EXD3: variants seen among roughly 807,000 people sequenced by gnomAD.
EXD3 encodes the protein exonuclease 3'-5' domain containing 3.
Under a neutral mutation model 98.0 loss-of-function variants are expected in EXD3, and 92 were observed. That is an observed-to-expected ratio of 0.94 (90% CI 0.79 to 1.12). The LOEUF (loss-of-function observed/expected upper bound fraction) is 1.12, where lower values mean the gene tolerates loss of function less well. EXD3 is among the 50% of genes most tolerant of loss of function. EXD3 has a pLI of 0.00. For synonymous variants in EXD3, 569 were observed against 526.0 expected (o/e 1.08, Z -1.12); for missense variants, 1,222 against 1,191.6 (o/e 1.03, Z -0.38).
In EXD3 at chr9:137,393,815, G is replaced by A. The variant is rs28368236; in HGVS notation, c.55+1488C>T. Among the ~76,000 whole-genome samples the A allele has an allele frequency of 0.11, 16,196 of 152,232 alleles. 849 individuals are homozygous for A. Among genetic ancestry groups the A allele is most frequent in the Middle Eastern group, 0.12 (35 of 294 alleles). ...TGGAACTGGGCAAAGGCCAGGGGGC[G>A]GTGAGTGAAAAGGCAGTAAACCCAC... On this transcript the variant is annotated intron_variant, in intron 2 of 21. Transcript: ENST00000340951. The surrounding 1 kb of genome is among the most constrained non-coding windows in gnomAD (Gnocchi z 4.6).
chr9:137,361,081 G>A lies in EXD3; in HGVS notation c.657-4713C>T, dbSNP rs1331513107. 1.8e-4 allele frequency among the ~76,000 whole-genome samples: 16 copies of A among 87,406 alleles called. 6 individuals are homozygous for A. The highest frequency in any genetic ancestry group is 9.5e-4 in the Admixed American group (7 of 7,390). 57.3% of individuals were successfully genotyped at this position (87,406 alleles called of 152,430 possible). On this transcript the variant is annotated intron_variant, in intron 7 of 21. Transcript: ENST00000340951. ...GCAACAGGTGGCTCAGGGCAGTGAT[G>A]CCCGAGTGATGGGAAGCGAGGCTGC...
At chr9:137,352,241 T>C in intron 11 of EXD3, 40 bp from the exon 12 acceptor site, 1 of 1,610,446 alleles carries the variant, frequency 6.2e-7, no homozygotes, top group South Asian at 1.1e-5. Context: ...ATGTCCCTGG[T>C]CCCCCACCCA....
chr9:137,345,180 A>G (rs574902699), intron 17 of EXD3, among the ~76,000 whole-genome samples: 114 of 152,394 alleles, frequency 7.5e-4, no homozygotes, highest in African/African-American at 2.7e-3. Flanking sequence ...CCACTTTGTC[A>G]GGACATTCTC....
chr9:137,319,806 C>T (rs1831928834), intron 19 of EXD3, among the ~76,000 whole-genome samples: 1 of 152,216 alleles, frequency 6.6e-6, no homozygotes, highest in African/African-American at 2.4e-5. Flanking sequence ...CCCTTTCTTG[C>T]TCTCCTGGCC....
At chr9:137,335,876 A>C (rs1179356470) in intron 17 of EXD3, among the ~76,000 whole-genome samples, 2 of 152,134 alleles carry the variant, frequency 1.3e-5, no homozygotes, top group East Asian at 3.9e-4. Flanking sequence ...CTGCAAAGAC[A>C]TGGAACTAAC....
chr9:137,411,741 G>T (rs1838013542), intron 1 of EXD3, among the ~76,000 whole-genome samples: 1 of 142,780 alleles, frequency 7.0e-6, no homozygotes, highest in African/African-American at 2.6e-5. Flanking sequence ...GGGGGAGGGG[G>T]TGGGGGAGTG....
intron 1 of EXD3, among the ~76,000 whole-genome samples, chr9:137,398,693 C>T (rs1381624303): frequency 5.0e-4 from 74 of 148,514 alleles, no homozygotes; most frequent in Admixed American, 8.7e-4. Flanking sequence ...CAGGCACCCA[C>T]GTCCCCGTGA....
chr9:137,391,088 C>T (rs1248798678), intron 2 of EXD3, among the ~76,000 whole-genome samples: 1 of 151,982 alleles, frequency 6.6e-6, no homozygotes, highest in African/African-American at 2.4e-5. Context: ...TCGGCAGCTT[C>T]TCCTTACCCC....
chr9:137,416,705 C>T (rs911478270), intron 1 of EXD3, among the ~76,000 whole-genome samples: 8 of 152,200 alleles, frequency 5.3e-5, no homozygotes, highest in African/African-American at 1.9e-4. Context: ...CAGGTCACAC[C>T]GAGGTGGCAC....
chr9:137,352,669 G>A lies in EXD3; in HGVS notation c.988C>T (p.Leu330=). 8 of 1,551,874 alleles carry A rather than the reference G, an allele frequency of 5.2e-6. No homozygotes were observed. Among genetic ancestry groups the A allele is most frequent in the Non-Finnish European group, 7.0e-6 (8 of 1,148,344 alleles). The change falls in exon 11 of 22, where the codon CTG becomes TTG. Residue 330 remains leucine (L), a synonymous_variant. Coordinates refer to ENST00000340951, the MANE Select transcript of EXD3 (RefSeq NM_017820.5). Reference sequence around the variant, plus strand: ...AGTTCCACAGCCACCGCAGCCGGCAGCCGCTCCTCGGGCAGCAAGAGTTCC... The same window carrying A: ...AGTTCCACAGCCACCGCAGCCGGCAACCGCTCCTCGGGCAGCAAGAGTTCC... The part of the protein sequence containing the change: ...AMELLLPEER[L]PAAVAVELRR...
intron 3 of EXD3, among the ~76,000 whole-genome samples, chr9:137,381,758 T>C (rs1403590017): frequency 6.6e-6 from 1 of 152,172 alleles, no homozygotes; most frequent in Admixed American, 6.5e-5. Context: ...TGTGCCACCA[T>C]ATGGGGGTCC....
In EXD3 at chr9:137,347,535, C is replaced by T. The variant is rs575502350; in HGVS notation, c.1998+536G>A. Among the ~76,000 whole-genome samples, 7 of 152,066 alleles carry T rather than the reference C, an allele frequency of 4.6e-5. No individual in the cohort carries two copies. Among genetic ancestry groups the T allele is most frequent in the Middle Eastern group, 6.8e-3 (2 of 294 alleles). On this transcript the variant is annotated intron_variant, in intron 17 of 21. Transcript: ENST00000340951. This position sits in a 1 kb window ranked among gnomAD's most constrained non-coding sequence, Gnocchi z 4.2. ...CTCAGCTCACTGTAACCTCTGCCTC[C>T]GGTGTTTAAGCGATTCTCGTGTCTC... is the stretch of plus-strand genomic sequence containing the variant.
chr9:137,351,755 G>A (rs1184979915), intron 12 of EXD3, among the ~76,000 whole-genome samples: 1 of 152,248 alleles, frequency 6.6e-6, no homozygotes, highest in Non-Finnish European at 1.5e-5. Flanking sequence ...TTGTGAGCAA[G>A]AGCCTGGCCT....
At chr9:137,308,940 C>T (rs1012376666) in intron 20 of EXD3, among the ~76,000 whole-genome samples, 1 of 152,196 alleles carries the variant, frequency 6.6e-6, no homozygotes, top group Non-Finnish European at 1.5e-5. Context: ...CCACCGCGCC[C>T]AGCCTGGACT....
At position 137,307,127 on chromosome 9, in the gene EXD3, C is replaced by T; in HGVS notation, c.2454G>A (p.Val818=). ...GTRLQLAGVP[V]GVLRTPGLRC... ...GCAGCCCAGGTGTCCTCAGCACACC[C>T]ACCGGGACCCCTGCCAGCTGCAGCC... Residue 818 remains valine, a synonymous_variant, in exon 22 of 22, where the codon GTG becomes GTA. Coordinates refer to ENST00000340951, the MANE Select transcript of EXD3 (RefSeq NM_017820.5). The T allele has an allele frequency of 6.2e-7, 1 of 1,602,888 alleles. No homozygotes were observed. The highest frequency in any genetic ancestry group is 8.5e-7 in the Non-Finnish European group (1 of 1,175,678).
In EXD3 at chr9:137,367,949, A is replaced by C. The variant is rs1191342570; in HGVS notation, c.503T>G (p.Leu168Arg). ...AAAGACGTTCACCTTTTCAACGCCAAGCTCCGACTGCAGCTTCAACGTCGC... is the reference window on the plus strand; with the variant it reads ...AAAGACGTTCACCTTTTCAACGCCACGCTCCGACTGCAGCTTCAACGTCGC... Reference protein sequence around the residue: ...LGATLKLQSELGVEKMSIPLL... With the variant: ...LGATLKLQSERGVEKMSIPLL... Residue 168 changes from leucine to arginine, a missense_variant, in exon 6 of 22, where the codon CTT (leucine) becomes CGT (arginine). Leu to Arg is a moderately radical substitution (Grantham distance 102). Transcript: ENST00000340951. 1 of 1,612,008 alleles carries C rather than the reference A, an allele frequency of 6.2e-7. No homozygotes were observed. Among genetic ancestry groups the C allele is most frequent in the Non-Finnish European group, 8.5e-7 (1 of 1,179,716 alleles).
intron 2 of EXD3, among the ~76,000 whole-genome samples, chr9:137,384,096 G>C (rs7049234): frequency 0.28 from 42,582 of 152,088 alleles, 6,320 homozygotes; most frequent in African/African-American, 0.36. Context: ...GGAGGCCTGA[G>C]GACAGGAGCC....
chr9:137,404,520 A>G (rs1564213375), intron 1 of EXD3, among the ~76,000 whole-genome samples: 1 of 152,228 alleles, frequency 6.6e-6, no homozygotes, highest in African/African-American at 2.4e-5. Context: ...GTAATACAAT[A>G]TTTGGAAAAC....
chr9:137,385,016 C>T lies in EXD3; in HGVS notation c.56-1639G>A, dbSNP rs1283218674. ...CTGAGGCAGGAGAACAGCATGAACC[C>T]GGGAGGCGGAGGTCGCAGTGAGCCG... On this transcript the variant is annotated intron_variant, in intron 2 of 21. Transcript: ENST00000340951. This position sits in a 1 kb window ranked among gnomAD's most constrained non-coding sequence, Gnocchi z 4.4. 3.3e-5 allele frequency among the ~76,000 whole-genome samples: 5 copies of T among 152,040 alleles called. No homozygotes were observed. The highest frequency in any genetic ancestry group is 2.1e-4 in the South Asian group (1 of 4,788).
Sources: gnomAD v4.1 joint callset for allele counts (sites outside exome capture counted in the v4.1 genomes callset) on GRCh38, gnomAD v4.1.1 for gene constraint, Gnocchi (gnomAD v3.1) non-coding constraint, MANE v1.5 for transcripts, NCBI Gene and HGNC (gene_info 2026-07-23, HGNC 2026-07-21) for gene names.